LYPLAL1: variants seen among roughly 807,000 people sequenced by gnomAD.
LYPLAL1 encodes the protein lysophospholipase-like protein 1.
A neutral mutation model predicts 19.7 loss-of-function variants in LYPLAL1; 23 were observed. The ratio of observed to expected loss-of-function variants is 1.17; its 90% CI spans 0.84 to 1.65. The LOEUF is 1.65. Ranked by LOEUF, LYPLAL1 falls within the 40% of genes most tolerant of loss-of-function variation. LYPLAL1 has a pLI of 0.00. For missense variants in LYPLAL1, 355 were observed against 279.4 expected (o/e 1.27, Z -1.93); for synonymous variants, 119 against 96.3 (o/e 1.24, Z -1.38).
the LYPLAL1 span, among the ~76,000 whole-genome samples, chr1:219,327,894 C>T: frequency 1.9e-4 from 29 of 152,168 alleles, no homozygotes; most frequent in Non-Finnish European, 3.4e-4. Flanking sequence ...CCACGTGAAA[C>T]TGAGTCCATT....
chr1:219,224,004 TC>T, the LYPLAL1 span, among the ~76,000 whole-genome samples: 6 of 152,166 alleles, frequency 3.9e-5, no homozygotes, highest in Non-Finnish European at 7.4e-5. Context: ...TATTGGCTTG[TC>T]CAATTGAAAC....
At chr1:219,235,692 TA>T in the LYPLAL1 span, among the ~76,000 whole-genome samples, 3 of 152,202 alleles carry the variant, frequency 2.0e-5, no homozygotes, top group African/African-American at 7.2e-5. Flanking sequence ...TGTGAGCCCC[TA>T]AATTCAAGTA....
chr1:219,238,533 C>T, the LYPLAL1 span, among the ~76,000 whole-genome samples: 1 of 151,882 alleles, frequency 6.6e-6, no homozygotes, highest in African/African-American at 2.4e-5. Flanking sequence ...GATATGTTTT[C>T]TAGAACTTCA....
chr1:219,322,867 T>G, the LYPLAL1 span, among the ~76,000 whole-genome samples: 3 of 152,222 alleles, frequency 2.0e-5, no homozygotes, highest in African/African-American at 7.2e-5. Context: ...TAAGTTAGTT[T>G]CAGTTTTAGA....
chr1:219,331,292 C>T, the LYPLAL1 span, among the ~76,000 whole-genome samples: 1 of 152,114 alleles, frequency 6.6e-6, no homozygotes, highest in East Asian at 1.9e-4. Context: ...GTGTATTAGA[C>T]AATTATTACC....
the LYPLAL1 span, chr1:219,272,875 A>G: frequency 6.6e-6 from 1 of 152,176 alleles, no homozygotes; most frequent in African/African-American, 2.4e-5. Context: ...TGTATTATCA[A>G]AAACATCCAG....
chr1:219,211,393 G>A, intron 4 of LYPLAL1, 99 bp from the exon 5 acceptor site: 2 of 826,268 alleles, frequency 2.4e-6, no homozygotes, highest in East Asian at 2.5e-5. Context: ...AGTTATTGAA[G>A]CCTTGGTAAA....
chr1:219,231,547 T>C, the LYPLAL1 span, among the ~76,000 whole-genome samples: 1 of 152,196 alleles, frequency 6.6e-6, no homozygotes. Flanking sequence ...TGTATTTCCA[T>C]GTATTGAGGT....
At chr1:219,330,115 T>C in the LYPLAL1 span, among the ~76,000 whole-genome samples, 4 of 152,074 alleles carry the variant, frequency 2.6e-5, no homozygotes, top group Non-Finnish European at 4.4e-5. Flanking sequence ...GGAGTAATCA[T>C]AAAAGGACAA....
the LYPLAL1 span, among the ~76,000 whole-genome samples, chr1:219,348,142 C>T: frequency 6.6e-6 from 1 of 152,162 alleles, no homozygotes; most frequent in Non-Finnish European, 1.5e-5. Context: ...GTCCATAAAA[C>T]AAACGCAGCT....
chr1:219,304,150 C>T, the LYPLAL1 span, among the ~76,000 whole-genome samples: 2 of 152,138 alleles, frequency 1.3e-5, no homozygotes, highest in African/African-American at 4.8e-5. Context: ...ATGATATTTG[C>T]CAGATTTTAC....
chr1:219,223,420 G>A, the LYPLAL1 span, among the ~76,000 whole-genome samples: 1 of 152,020 alleles, frequency 6.6e-6, no homozygotes, highest in Non-Finnish European at 1.5e-5. Flanking sequence ...TTGTTTTCTA[G>A]CCCTTGAGTA....
chr1:219,309,778 G>A, the LYPLAL1 span, among the ~76,000 whole-genome samples: 11 of 152,232 alleles, frequency 7.2e-5, no homozygotes, highest in Admixed American at 2.0e-4. Context: ...CCCAGTCTCA[G>A]GTATGTCTTT....
chr1:219,363,358 C>T, the LYPLAL1 span, among the ~76,000 whole-genome samples: 15 of 151,956 alleles, frequency 9.9e-5, no homozygotes, highest in East Asian at 1.9e-3. Flanking sequence ...AAACACAGTA[C>T]GTAAAATATT....
chr1:219,264,442 C>A, the LYPLAL1 span, among the ~76,000 whole-genome samples: 1 of 152,126 alleles, frequency 6.6e-6, no homozygotes, highest in Non-Finnish European at 1.5e-5. Context: ...CATTGCAAAG[C>A]CAAACATGAA....
At chr1:219,339,932 T>C in the LYPLAL1 span, among the ~76,000 whole-genome samples, 3 of 152,026 alleles carry the variant, frequency 2.0e-5, no homozygotes, top group South Asian at 4.1e-4. Flanking sequence ...AGCTTCCTCT[T>C]CACTGACTTT....
chr1:219,207,666 A>T (rs1658679491), intron 3 of LYPLAL1, among the ~76,000 whole-genome samples: 1 of 152,046 alleles, frequency 6.6e-6, no homozygotes, highest in South Asian at 2.1e-4. Flanking sequence ...CCCAGCTCCC[A>T]TCATTAAATT....
the LYPLAL1 span, among the ~76,000 whole-genome samples, chr1:219,245,839 T>C: frequency 2.0e-5 from 3 of 152,290 alleles, no homozygotes; most frequent in East Asian, 1.9e-4. Context: ...TTGATTAATA[T>C]AAAATTCGAC....
intron 3 of LYPLAL1, among the ~76,000 whole-genome samples, chr1:219,206,717 TTC>T (rs950679696): frequency 5.9e-5 from 9 of 151,690 alleles, no homozygotes; most frequent in Non-Finnish European, 1.2e-4. Context: ...AATGTTTTCT[TTC>T]TCTCTTTTTT....
Sources: allele counts gnomAD v4.1 joint callset (sites outside exome capture counted in the v4.1 genomes callset), GRCh38; gene constraint gnomAD v4.1.1; transcripts MANE v1.5; gene names NCBI Gene and HGNC (gene_info 2026-07-23, HGNC 2026-07-21).